Variants in NLGN1 observed in about 807,000 individuals in gnomAD.
NLGN1 encodes neuroligin-1.
NLGN1 carries 12 observed loss-of-function variants against 65.5 expected under a neutral mutation model. The observed-to-expected ratio is 0.18, with a 90% CI of 0.12 to 0.30. NLGN1 has a LOEUF of 0.30. Ranked by LOEUF, NLGN1 falls within the 10% of genes least tolerant of loss-of-function variation. NLGN1 has a pLI of 1.00. For synonymous variants in NLGN1, 350 were observed against 359.5 expected (o/e 0.97, Z 0.30); for missense variants, 750 against 1,007.1 (o/e 0.74, Z 3.46).
At chr3:173,985,495 A>G (rs1398865455) in intron 4 of NLGN1, among the ~76,000 whole-genome samples, 2 of 152,206 alleles carry the variant, frequency 1.3e-5, no homozygotes, top group Non-Finnish European at 2.9e-5. Flanking sequence ...GGTTTTGTCT[A>G]TAGAAAATAT....
chr3:174,213,665 C>T (rs1737095213), intron 4 of NLGN1, among the ~76,000 whole-genome samples: 1 of 152,110 alleles, frequency 6.6e-6, no homozygotes, highest in African/African-American at 2.4e-5. Context: ...ATGGAAGAAC[C>T]TGTACAAACA....
intron 4 of NLGN1, among the ~76,000 whole-genome samples, chr3:173,852,180 C>A (rs1161776100): frequency 6.6e-6 from 1 of 150,742 alleles, no homozygotes; most frequent in Admixed American, 6.6e-5. Context: ...CACGGTGAAA[C>A]CCTGTCTCTA....
At chr3:173,623,275 AGGAGTTCAGTCTGATTG>A (rs972737416) in intron 3 of NLGN1, among the ~76,000 whole-genome samples, 24 of 152,110 alleles carry the variant, frequency 1.6e-4, no homozygotes, top group African/African-American at 5.3e-4. Flanking sequence ...GACTGTGTCA[AGGAGTTCAGTCTGATTG>A]GAAAAGAAGT....
chr3:173,593,017 G>A (rs1169334187), intron 2 of NLGN1, among the ~76,000 whole-genome samples: 1 of 152,028 alleles, frequency 6.6e-6, no homozygotes, highest in Non-Finnish European at 1.5e-5. Context: ...TCTATACCTT[G>A]GTTTTCAATT....
chr3:174,032,701 A>G (rs2152475598), intron 4 of NLGN1, among the ~76,000 whole-genome samples: 1 of 152,254 alleles, frequency 6.6e-6, no homozygotes, highest in South Asian at 2.1e-4. Flanking sequence ...AAGAAAGTTG[A>G]TGTCCTTGTG....
intron 4 of NLGN1, among the ~76,000 whole-genome samples, chr3:173,866,400 C>T (rs1730169189): frequency 6.6e-6 from 1 of 151,934 alleles, no homozygotes; most frequent in African/African-American, 2.4e-5. Context: ...TCTTTTCCTG[C>T]GTTATTTATT....
chr3:173,982,223 C>T (rs1465033643), intron 4 of NLGN1, among the ~76,000 whole-genome samples: 2 of 152,034 alleles, frequency 1.3e-5, no homozygotes, highest in African/African-American at 4.8e-5. Flanking sequence ...TAAATATTAA[C>T]TCCAGGACAG....
At chr3:174,042,669 G>A (rs1166970175) in intron 4 of NLGN1, among the ~76,000 whole-genome samples, 4 of 152,106 alleles carry the variant, frequency 2.6e-5, no homozygotes, top group African/African-American at 4.8e-5. Context: ...AATTGTCTTA[G>A]CATAGACTGT....
chr3:173,429,809 T>A (rs1392792010), intron 1 of NLGN1, among the ~76,000 whole-genome samples: 1 of 152,070 alleles, frequency 6.6e-6, no homozygotes, highest in Non-Finnish European at 1.5e-5. Flanking sequence ...AAAGTGTATA[T>A]CCCCGCTGTG....
intron 3 of NLGN1, among the ~76,000 whole-genome samples, chr3:173,783,065 T>A (rs1781422223): frequency 6.6e-6 from 1 of 152,118 alleles, no homozygotes; most frequent in Non-Finnish European, 1.5e-5. Flanking sequence ...TTTCCTTCAT[T>A]TTACATAAAG....
intron 3 of NLGN1, among the ~76,000 whole-genome samples, chr3:173,720,824 A>G (rs1282828733): frequency 6.6e-6 from 1 of 152,230 alleles, no homozygotes; most frequent in Non-Finnish European, 1.5e-5. Flanking sequence ...CAAGAACGTG[A>G]TACCTGCACT....
intron 3 of NLGN1, among the ~76,000 whole-genome samples, chr3:173,684,053 T>C (rs938640676): frequency 2.6e-5 from 4 of 152,114 alleles, no homozygotes; most frequent in African/African-American, 7.2e-5. Flanking sequence ...CAGTTCACAG[T>C]AAACAAAAGT....
chr3:173,545,124 GA>G (rs755726342), intron 2 of NLGN1, among the ~76,000 whole-genome samples: 2 of 152,062 alleles, frequency 1.3e-5, no homozygotes, highest in Non-Finnish European at 2.9e-5. Flanking sequence ...GCCCAGGCTG[GA>G]GTGTAAAGTC....
At chr3:173,818,247 C>T (rs960973355) in intron 4 of NLGN1, among the ~76,000 whole-genome samples, 11 of 151,986 alleles carry the variant, frequency 7.2e-5, no homozygotes, top group African/African-American at 2.7e-4. Flanking sequence ...AACAAATGAA[C>T]AAAACATTGA....
intron 2 of NLGN1, among the ~76,000 whole-genome samples, chr3:173,551,383 C>A (rs1464088242): frequency 6.6e-6 from 1 of 152,136 alleles, no homozygotes; most frequent in Non-Finnish European, 1.5e-5. Flanking sequence ...ATTATGGATT[C>A]ATTAAATTGC....
chr3:174,175,830 G>A (rs1323031897), intron 4 of NLGN1, among the ~76,000 whole-genome samples: 1 of 151,900 alleles, frequency 6.6e-6, no homozygotes, highest in Non-Finnish European at 1.5e-5. Context: ...AATCCTGTAG[G>A]TCTTTATGCT....
intron 4 of NLGN1, among the ~76,000 whole-genome samples, chr3:173,970,887 G>A (rs1296929815): frequency 6.6e-6 from 1 of 152,140 alleles, no homozygotes; most frequent in Non-Finnish European, 1.5e-5. Flanking sequence ...GAGGAGTAGG[G>A]TGCTACTGGA....
chr3:174,243,007 T>C (rs1743176042), intron 4 of NLGN1, among the ~76,000 whole-genome samples: 1 of 152,224 alleles, frequency 6.6e-6, no homozygotes, highest in Non-Finnish European at 1.5e-5. Flanking sequence ...ATTTTCATTG[T>C]CATTTCAAGC....
intron 4 of NLGN1, among the ~76,000 whole-genome samples, chr3:173,832,500 G>T (rs2150604636): frequency 6.6e-6 from 1 of 152,244 alleles, no homozygotes; most frequent in South Asian, 2.1e-4. Context: ...CTTTAATTGG[G>T]GGAGGATGTT....
Sources: allele counts gnomAD v4.1 joint callset (sites outside exome capture counted in the v4.1 genomes callset), GRCh38; gene constraint gnomAD v4.1.1; transcripts MANE v1.5; gene names NCBI Gene and HGNC (gene_info 2026-07-23, HGNC 2026-07-21).